The following OXNAD1 variants were observed in gnomAD, a reference collection of about 807,000 sequenced individuals.
OXNAD1 encodes oxidoreductase NAD-binding domain-containing protein 1.
Under a neutral mutation model 32.9 loss-of-function variants are expected in OXNAD1, and 34 were observed. That is an observed-to-expected ratio of 1.03 (90% CI 0.79 to 1.38). OXNAD1 has a LOEUF of 1.38. OXNAD1 is among the 40% of genes most tolerant of loss of function. OXNAD1 has a pLI of 0.00. For synonymous variants in OXNAD1, 134 were observed against 135.2 expected (o/e 0.99, Z 0.06); for missense variants, 407 against 379.4 (o/e 1.07, Z -0.60).
chr3:16,324,844 G>A (rs756572365), intron 9 of OXNAD1, among the ~76,000 whole-genome samples: 1 of 152,068 alleles, frequency 6.6e-6, no homozygotes, highest in Non-Finnish European at 1.5e-5. Context: ...ATACCTAGAA[G>A]TGGGTTTGCT....
rs2069813044 is a variant in OXNAD1 at position 16,327,360 on chromosome 3, G to T, written c.*31-9752G>T. Among the ~76,000 whole-genome samples, 1 of 152,192 alleles carries T rather than the reference G, an allele frequency of 6.6e-6. No homozygotes were observed. The highest frequency in any genetic ancestry group is 1.5e-5 in the Non-Finnish European group (1 of 68,040). ...TCCACATGTGTGTGTACACGCAGAA[G>T]CTGCTTTGCCTGTGTTATGTGCCCT... is the stretch of plus-strand genomic sequence containing the variant. On this transcript the variant is annotated intron_variant, in intron 9 of 9. Coordinates refer to the OXNAD1 transcript ENST00000435829. The surrounding 1 kb of genome is among the most constrained non-coding windows in gnomAD (Gnocchi z 4.2).
At position 16,312,135 on chromosome 3, in the gene OXNAD1, C is replaced by T. The variant is rs146057765; in HGVS notation, c.*30+8543C>T. Among the ~76,000 whole-genome samples, 26 of 152,312 alleles carry T rather than the reference C, an allele frequency of 1.7e-4. No individual in the cohort carries two copies. In the East Asian group the frequency reaches 4.4e-3, roughly 26 times the overall value. On this transcript the variant is annotated intron_variant, in intron 9 of 9. Transcript: ENST00000435829. The surrounding 1 kb of genome is among the most constrained non-coding windows in gnomAD (Gnocchi z 4.7). The stretch of plus-strand genomic sequence containing the variant: ...TAGCCACTGAAACGATTGTTATCAA[C>T]AGGAACCTGTGGTGAACATCACTTT...
At chr3:16,306,501 C>T (rs994840880), downstream of OXNAD1, among the ~76,000 whole-genome samples, 3 of 152,194 alleles carry the variant, frequency 2.0e-5, no homozygotes, top group African/African-American at 7.2e-5. Flanking sequence ...GTGTTGTTTC[C>T]TCATGGCCTC....
rs1359843247 is a variant in OXNAD1, at chr3:16,317,086, G to T, written c.*30+13494G>T. The T allele has an allele frequency of 6.2e-7, 1 of 1,613,660 alleles. No homozygotes were observed. The highest frequency in any genetic ancestry group is 1.3e-5 in the African/African-American group (1 of 74,782). ...CCTCCTGCTGCTGTCCTGAAACACAGTTTCCCATGTCTCCAGCTTTGGAAG... is the reference window on the plus strand; with the variant it reads ...CCTCCTGCTGCTGTCCTGAAACACATTTTCCCATGTCTCCAGCTTTGGAAG... On this transcript the variant is annotated intron_variant, in intron 9 of 9. Transcript: ENST00000435829. The surrounding 1 kb of genome is among the most constrained non-coding windows in gnomAD (Gnocchi z 4.3).
chr3:16,276,896 TCTC>T (rs1215536292), intron 4 of OXNAD1, among the ~76,000 whole-genome samples: 2 of 151,132 alleles, frequency 1.3e-5, no homozygotes, highest in Middle Eastern at 3.4e-3. Flanking sequence ...TTGCATCTCT[TCTC>T]CTCTTCTGTT....
At chr3:16,319,226 T>C (rs1284770340) in intron 9 of OXNAD1, among the ~76,000 whole-genome samples, 2 of 152,238 alleles carry the variant, frequency 1.3e-5, no homozygotes, top group Non-Finnish European at 2.9e-5. Context: ...GAAGCCTACC[T>C]GTGTAGTATA....
downstream of OXNAD1, among the ~76,000 whole-genome samples, chr3:16,342,230 A>T (rs1007109715): frequency 1.3e-5 from 2 of 151,524 alleles, no homozygotes; most frequent in African/African-American, 4.8e-5. This position sits in a 1 kb window ranked among gnomAD's most constrained non-coding sequence, Gnocchi z 4.0. Flanking sequence ...GGCAACCACG[A>T]GTCCACTTTT....
chr3:16,337,571 G>A (rs1222399362), downstream of OXNAD1, among the ~76,000 whole-genome samples: 2 of 151,652 alleles, frequency 1.3e-5, no homozygotes, highest in African/African-American at 2.4e-5. This position sits in a 1 kb window ranked among gnomAD's most constrained non-coding sequence, Gnocchi z 5.0. Context: ...GTGAAACCTC[G>A]TCTCTACTAA....
Position 16,316,374 on chromosome 3 carries a change from A to C in OXNAD1, c.*30+12782A>C. The stretch of plus-strand genomic sequence containing the variant: ...GGAGGGCAGCTGACAGGGCTCCTGG[A>C]GTTGTTAAGTCACCAAGTAGCTGCA... On this transcript the variant is annotated intron_variant, in intron 9 of 9. Coordinates refer to the OXNAD1 transcript ENST00000435829. This position sits in a 1 kb window ranked among gnomAD's most constrained non-coding sequence, Gnocchi z 4.5. 1 of 193,470 alleles carries C rather than the reference A, an allele frequency of 5.2e-6. No individual in the cohort carries two copies. Among genetic ancestry groups the C allele is most frequent in the Non-Finnish European group, 1.0e-5 (1 of 95,972 alleles). The allele number at this position is 193,470 out of a possible 1,614,324, so 12.0% of individuals were successfully genotyped here.
intron 4 of OXNAD1, among the ~76,000 whole-genome samples, chr3:16,283,753 AAGTG>A (rs2065902521): frequency 6.6e-6 from 1 of 152,110 alleles, no homozygotes; most frequent in East Asian, 1.9e-4. Context: ...CCTACAGAAG[AAGTG>A]AGAGAAGGAA....
In OXNAD1 at chr3:16,268,313, C is replaced by CTTTTTTTTT. The variant is rs531751365; in HGVS notation, c.-158-788_-158-780dup. Among the ~76,000 whole-genome samples the CTTTTTTTTT allele has an allele frequency of 6.9e-4, 42 of 61,002 alleles. 1 individual carries two copies. The highest frequency in any genetic ancestry group is 0.016 in the Middle Eastern group (1 of 62). The allele number at this position is 61,002 out of a possible 152,430, so 40.0% of individuals were successfully genotyped here. On this transcript the variant is annotated intron_variant, in intron 1 of 8. Coordinates refer to ENST00000285083, the MANE Select transcript of OXNAD1 (RefSeq NM_138381.5). ...AATCTTAGGATTTTAAAGAGAACTC[C>CTTTTTTTTT]TTTTTTTTTTTTTTTTTTTTTTTTT...
chr3:16,292,040 ATTAAT>A lies in OXNAD1; in HGVS notation c.291-2811_291-2807del, dbSNP rs1011697990. ...ATTTATATGTCTTCTTTGAAGAAAT[ATTAAT>A]TTAAAGTATTTTGTCAGTTTTTTAT... On this transcript the variant is annotated intron_variant, in intron 5 of 8. Transcript: ENST00000285083. Among the ~76,000 whole-genome samples, 14 of 152,314 alleles carry A rather than the reference ATTAAT, an allele frequency of 9.2e-5. No homozygotes were observed. In the East Asian group the frequency reaches 9.6e-4, roughly 10 times the overall value.
chr3:16,333,480 A>G (rs2070527131), intron 9 of OXNAD1, among the ~76,000 whole-genome samples: 2 of 151,692 alleles, frequency 1.3e-5, no homozygotes, highest in Admixed American at 1.3e-4. Flanking sequence ...TATCTATCTA[A>G]TTATGTCATT....
In OXNAD1 at chr3:16,278,307, C is replaced by T. The variant is rs112124612; in HGVS notation, c.183+6585C>T. 4.8e-3 allele frequency among the ~76,000 whole-genome samples: 730 copies of T among 152,234 alleles called. 2 individuals are homozygous for T. The highest frequency in any genetic ancestry group is 8.6e-3 in the Non-Finnish European group (583 of 68,020). ...TATTGTACTAGTTTGCTTTTAGAAG[C>T]CTGTGTCTTTTCCTACAGTATCTTA... On this transcript the variant is annotated intron_variant, in intron 4 of 8. Coordinates refer to ENST00000285083, the MANE Select transcript of OXNAD1 (RefSeq NM_138381.5).
chr3:16,323,875 C>T (rs2069367123), intron 9 of OXNAD1, among the ~76,000 whole-genome samples: 1 of 152,200 alleles, frequency 6.6e-6, no homozygotes, highest in South Asian at 2.1e-4. Flanking sequence ...GGACAGTGGA[C>T]AGAGGTCATG....
At chr3:16,323,265 T>C in intron 9 of OXNAD1, 1 of 754,748 alleles carries the variant, frequency 1.3e-6, no homozygotes, top group Non-Finnish European at 2.2e-6. Flanking sequence ...TTCCTTGGGC[T>C]CTGCGAGCCC....
intron 9 of OXNAD1, among the ~76,000 whole-genome samples, chr3:16,319,060 T>C (rs547685985): frequency 2.0e-5 from 3 of 152,332 alleles, no homozygotes; most frequent in Admixed American, 6.5e-5. Context: ...CACCGTGTTA[T>C]GGTTCGTAAC....
At chr3:16,340,153 G>T (rs1470518073), downstream of OXNAD1, among the ~76,000 whole-genome samples, 1 of 152,176 alleles carries the variant, frequency 6.6e-6, no homozygotes, top group African/African-American at 2.4e-5. Flanking sequence ...CCATTGCCAC[G>T]CATTACAGAG....
chr3:16,324,614 C>CCA (rs1049623877), intron 9 of OXNAD1, among the ~76,000 whole-genome samples: 2 of 34,662 alleles, frequency 5.8e-5, no homozygotes, highest in African/African-American at 1.3e-4. Flanking sequence ...ATGTCCCTGA[C>CCA]CCCCCCCCTT....
Sources: allele counts gnomAD v4.1 joint callset (sites outside exome capture counted in the v4.1 genomes callset), GRCh38; gene constraint gnomAD v4.1.1; non-coding constraint Gnocchi (gnomAD v3.1); transcripts MANE v1.5; gene names NCBI Gene and HGNC (gene_info 2026-07-23, HGNC 2026-07-21).